RAPGEF6: variants seen among roughly 807,000 people sequenced by gnomAD.
The protein encoded by RAPGEF6 is Rap guanine nucleotide exchange factor 6, also known as PDZ domain containing guanine nucleotide exchange factor (GEF) 2.
Under a neutral mutation model 171.4 loss-of-function variants are expected in RAPGEF6, and 56 were observed. The ratio of observed to expected loss-of-function variants is 0.33; its 90% CI spans 0.26 to 0.41. The LOEUF (loss-of-function observed/expected upper bound fraction) is 0.41. Among genes scored for constraint, RAPGEF6 ranks in the 10% least tolerant of loss-of-function variants. The pLI is 1.00. For missense variants in RAPGEF6, 1,674 were observed against 1,921.4 expected (o/e 0.87, Z 2.41); for synonymous variants, 692 against 650.1 (o/e 1.06, Z -0.98).
intron 5 of RAPGEF6, among the ~76,000 whole-genome samples, chr5:131,557,634 C>T (rs553849191): frequency 2.4e-4 from 36 of 152,202 alleles, no homozygotes; most frequent in African/African-American, 8.2e-4. Flanking sequence ...AGAAAGTTTT[C>T]AATGTTTATT....
intron 1 of RAPGEF6, among the ~76,000 whole-genome samples, chr5:131,626,362 T>C (rs909555562): frequency 2.6e-5 from 4 of 152,104 alleles, no homozygotes; most frequent in Admixed American, 6.5e-5. Context: ...CCCACTCCCA[T>C]AAAAGGCAAT....
chr5:131,551,558 G>A (rs1273790384), intron 5 of RAPGEF6, among the ~76,000 whole-genome samples: 4 of 150,574 alleles, frequency 2.7e-5, no homozygotes, highest in Non-Finnish European at 5.9e-5. Flanking sequence ...GGTGAATCAG[G>A]ACTCAAAACC....
chr5:131,484,681 A>G (rs983189131), intron 15 of RAPGEF6, among the ~76,000 whole-genome samples: 1 of 152,232 alleles, frequency 6.6e-6, no homozygotes, highest in East Asian at 1.9e-4. Flanking sequence ...CTCTGTTAAT[A>G]GCAAAAACTA....
At position 131,426,323 on chromosome 5, in the gene RAPGEF6, T is replaced by C. The variant is rs1367469092; in HGVS notation, c.*943A>G. 1 of 152,358 alleles carries C rather than the reference T, an allele frequency of 6.6e-6. No homozygotes were observed. The highest frequency in any genetic ancestry group is 6.5e-5 in the Admixed American group (1 of 15,282). 9.4% of individuals were successfully genotyped at this position (152,358 alleles called of 1,614,324 possible). On this transcript the variant is annotated 3_prime_UTR_variant, in exon 28 of 28. Transcript: ENST00000509018. ...GAATTTCTTTAAAAAAAGTATTCCA[T>C]ACTTGAGTTATGAGAGATTTTAGTT...
chr5:131,617,625 GCTCA>G (rs1765352702), intron 1 of RAPGEF6, among the ~76,000 whole-genome samples: 1 of 152,128 alleles, frequency 6.6e-6, no homozygotes, highest in Admixed American at 6.5e-5. Flanking sequence ...GTTAGCAGTG[GCTCA>G]CGCCTGTAAT....
intron 1 of RAPGEF6, among the ~76,000 whole-genome samples, chr5:131,628,026 T>C (rs1366455797): frequency 2.0e-5 from 3 of 152,110 alleles, no homozygotes; most frequent in Non-Finnish European, 4.4e-5. Flanking sequence ...CTCCCTCTCT[T>C]GGGGCCTCCC....
intron 21 of RAPGEF6, among the ~76,000 whole-genome samples, chr5:131,448,825 T>C (rs565619208): frequency 4.6e-5 from 7 of 151,816 alleles, no homozygotes; most frequent in Admixed American, 2.6e-4. Context: ...CTAAAAGATA[T>C]TGTCCAAGTA....
chr5:131,534,176 A>G (rs939079263), intron 6 of RAPGEF6, among the ~76,000 whole-genome samples: 1 of 152,150 alleles, frequency 6.6e-6, no homozygotes, highest in Admixed American at 6.5e-5. Context: ...GGTGTGCAAC[A>G]TAAGAGGAGA....
At chr5:131,540,495 G>C (rs1347834130) in intron 6 of RAPGEF6, among the ~76,000 whole-genome samples, 1 of 152,194 alleles carries the variant, frequency 6.6e-6, no homozygotes, top group Non-Finnish European at 1.5e-5. Context: ...CCAGGAGTTT[G>C]AGCTTATGGT....
chr5:131,439,553 A>T, intron 24 of RAPGEF6, 28 bp downstream of exon 24: 1 of 1,584,480 alleles, frequency 6.3e-7, no homozygotes, highest in African/African-American at 1.4e-5. Flanking sequence ...TAGTTTAACA[A>T]GAACTAGTTT....
chr5:131,560,609 T>C (rs1217760324), intron 5 of RAPGEF6, among the ~76,000 whole-genome samples: 2 of 152,214 alleles, frequency 1.3e-5, no homozygotes, highest in African/African-American at 2.4e-5. Flanking sequence ...GAGGCTCTAA[T>C]AGGAATCCCA....
intron 4 of RAPGEF6, among the ~76,000 whole-genome samples, chr5:131,591,043 T>C (rs1345311441): frequency 6.6e-6 from 1 of 152,230 alleles, no homozygotes; most frequent in African/African-American, 2.4e-5. Flanking sequence ...ATATGTGTTA[T>C]TCAACTGGTC....
chr5:131,608,819 T>A (rs991767782), intron 1 of RAPGEF6, among the ~76,000 whole-genome samples: 2 of 152,072 alleles, frequency 1.3e-5, no homozygotes, highest in Non-Finnish European at 2.9e-5. Context: ...TGATCTCTTT[T>A]TTTTTTCGCA....
At chr5:131,588,402 T>C (rs1763387331) in intron 4 of RAPGEF6, among the ~76,000 whole-genome samples, 1 of 152,228 alleles carries the variant, frequency 6.6e-6, no homozygotes, top group Admixed American at 6.5e-5. Context: ...CATTCTCTTA[T>C]GCTCCTGTTA....
At chr5:131,601,637 T>C (rs998034746) in intron 3 of RAPGEF6, among the ~76,000 whole-genome samples, 1 of 151,794 alleles carries the variant, frequency 6.6e-6, no homozygotes, top group Non-Finnish European at 1.5e-5. Context: ...AGCAGCAGAG[T>C]AGCAAAAATT....
At chr5:131,490,367 G>GA (rs776228831) in intron 14 of RAPGEF6, among the ~76,000 whole-genome samples, 66 of 149,230 alleles carry the variant, frequency 4.4e-4, no homozygotes, top group Non-Finnish European at 8.3e-4. Flanking sequence ...ATTAGGGAAA[G>GA]AAAAAAAAAT....
intron 4 of RAPGEF6, among the ~76,000 whole-genome samples, chr5:131,572,698 T>A (rs1474974551): frequency 6.6e-6 from 1 of 152,074 alleles, no homozygotes; most frequent in Non-Finnish European, 1.5e-5. Flanking sequence ...TCTACCTTCG[T>A]CCTTAAATTT....
chr5:131,450,240 C>CA (rs1053752391), intron 21 of RAPGEF6, among the ~76,000 whole-genome samples: 2 of 151,926 alleles, frequency 1.3e-5, no homozygotes, highest in Non-Finnish European at 2.9e-5. Context: ...TACTGAAGGT[C>CA]AAAAAAGCTC....
At chr5:131,459,145 A>G (rs950636428) in intron 19 of RAPGEF6, among the ~76,000 whole-genome samples, 1 of 152,244 alleles carries the variant, frequency 6.6e-6, no homozygotes, top group Non-Finnish European at 1.5e-5. Context: ...TCAATGAAGC[A>G]ATGAGTGCAG....
Sources: gnomAD v4.1 joint callset for allele counts (sites outside exome capture counted in the v4.1 genomes callset) on GRCh38, gnomAD v4.1.1 for gene constraint, MANE v1.5 for transcripts, NCBI Gene and HGNC (gene_info 2026-07-23, HGNC 2026-07-21) for gene names.